Variants in NKD1 observed in about 807,000 individuals in gnomAD.
NKD1 encodes the protein NKD inhibitor of Wnt signaling pathway 1, also known as protein naked cuticle homolog 1.
Under a neutral mutation model 56.0 loss-of-function variants are expected in NKD1, and 21 were observed. The observed-to-expected ratio is 0.38, with a 90% confidence interval of 0.27 to 0.54. The LOEUF (loss-of-function observed/expected upper bound fraction) is 0.54, where lower values mean the gene tolerates loss of function less well. Ranked by LOEUF, NKD1 falls within the 20% of genes least tolerant of loss-of-function variation. The pLI is 0.82. For missense variants in NKD1, 578 were observed against 642.7 expected (o/e 0.90, Z 1.09); for synonymous variants, 263 against 265.7 (o/e 0.99, Z 0.10).
intron 3 of NKD1, among the ~76,000 whole-genome samples, chr16:50,585,223 C>T (rs1961201308): frequency 6.6e-6 from 1 of 152,216 alleles, no homozygotes; most frequent in Admixed American, 6.5e-5. Flanking sequence ...TGTCCAGGTG[C>T]AGAGGAACCA....
chr16:50,565,296 C>T (rs567780113), intron 3 of NKD1, among the ~76,000 whole-genome samples: 9 of 151,270 alleles, frequency 5.9e-5, no homozygotes, highest in South Asian at 2.1e-4. Flanking sequence ...GGTGTGAACA[C>T]GGGAGGCAGA....
rs531429694 is a variant in NKD1, at chr16:50,619,801, G to T, written c.260-1801G>T. On this transcript the variant is annotated intron_variant, in intron 4 of 9. Transcript: ENST00000268459. ...AGAGAAGGTATGTGATCCACCCAGG[G>T]TCACACAGTGCCAGAGAACAGAACC... 6.2e-4 allele frequency among the ~76,000 whole-genome samples: 95 copies of T among 152,296 alleles called. 1 individual carries two copies. Among genetic ancestry groups the T allele is most frequent in the African/African-American group, 2.2e-3 (92 of 41,566 alleles).
At chr16:50,571,565 A>G in intron 3 of NKD1, 1 of 983,036 alleles carries the variant, frequency 1.0e-6, no homozygotes, top group East Asian at 1.1e-4. Context: ...CGGGCTCTCC[A>G]TTCATCTGTT....
chr16:50,609,859 A>G (rs932512039), intron 4 of NKD1, among the ~76,000 whole-genome samples: 6 of 152,364 alleles, frequency 3.9e-5, no homozygotes, highest in African/African-American at 1.4e-4. Flanking sequence ...TTGTGTGTGC[A>G]TACAGTCTGG....
chr16:50,628,159 C>T (rs959967909), intron 6 of NKD1, among the ~76,000 whole-genome samples: 32 of 152,144 alleles, frequency 2.1e-4, no homozygotes, highest in Admixed American at 5.9e-4. Context: ...GGTCTGGTCC[C>T]GCAAAGGGTT....
Position 50,548,542 on chromosome 16 carries a change from C to G in NKD1, c.-12C>G. ...ATGGCTTAGGGACGCTCCCGGCCGC[C>G]GCAGCCCCAGCATGGGGAAACTTCA... On this transcript the variant is annotated 5_prime_UTR_variant, in exon 1 of 10. Coordinates refer to ENST00000268459, the MANE Select transcript of NKD1 (RefSeq NM_033119.5). 6.8e-7 allele frequency: 1 copy of G among 1,465,904 alleles called. No individual in the cohort carries two copies. Among genetic ancestry groups the G allele is most frequent in the Non-Finnish European group, 9.0e-7 (1 of 1,114,258 alleles). The allele number at this position is 1,465,904 out of a possible 1,614,324, so 90.8% of individuals were successfully genotyped here.
intron 4 of NKD1, among the ~76,000 whole-genome samples, chr16:50,618,614 G>A (rs1350921993): frequency 3.3e-5 from 5 of 152,226 alleles, no homozygotes. Context: ...TACTGGTTAG[G>A]GGACAATAAG....
intron 3 of NKD1, among the ~76,000 whole-genome samples, chr16:50,565,949 G>A (rs985315433): frequency 6.6e-5 from 10 of 152,200 alleles, no homozygotes; most frequent in South Asian, 2.1e-4. Context: ...GCCTGTGGTC[G>A]ACTTTAGAGC....
In NKD1 at chr16:50,632,449, G is replaced by A. The variant is rs749322304; in HGVS notation, c.823+41G>A. The stretch of plus-strand genomic sequence containing the variant: ...ACCCTGCAATGGGCGATGAGGGCAG[G>A]GCGTGGCTGGACGGGCCAGGCGGGC... On this transcript the variant is annotated intron_variant, in intron 9 of 9. Transcript: ENST00000268459. The surrounding 1 kb of genome is among the most constrained non-coding windows in gnomAD (Gnocchi z 4.1). The A allele has an allele frequency of 1.2e-6, 2 of 1,611,902 alleles. No homozygotes were observed. Among genetic ancestry groups the A allele is most frequent in the East Asian group, 2.2e-5 (1 of 44,862 alleles).
rs138964473 is a variant in NKD1, at chr16:50,598,262, T to TGTGTGCGCGCGCGCGC, written c.193-10031_193-10030insTGTGCGCGCGCGCGCG. Among the ~76,000 whole-genome samples the TGTGTGCGCGCGCGCGC allele has an allele frequency of 2.0e-5, 3 of 148,670 alleles. No homozygotes were observed. Among genetic ancestry groups the TGTGTGCGCGCGCGCGC allele is most frequent in the African/African-American group, 7.7e-5 (3 of 39,162 alleles). On this transcript the variant is annotated intron_variant, in intron 3 of 9. Transcript: ENST00000268459. This position sits in a 1 kb window ranked among gnomAD's most constrained non-coding sequence, Gnocchi z 4.2. ...GTGTGTGTGTGTGTGTGTGTGTGTG[T>TGTGTGCGCGCGCGCGC]GCGCGCACACCTGTGCTCATGGACA...
intron 3 of NKD1, among the ~76,000 whole-genome samples, chr16:50,573,370 C>T (rs1960925404): frequency 6.6e-6 from 1 of 152,242 alleles, no homozygotes; most frequent in East Asian, 1.9e-4. Context: ...GGCAGGTGGA[C>T]ATTCCCTGTT....
intron 3 of NKD1, among the ~76,000 whole-genome samples, chr16:50,559,273 C>T (rs149749904): frequency 6.6e-6 from 1 of 152,248 alleles, no homozygotes; most frequent in East Asian, 1.9e-4. Flanking sequence ...GATGTGTGCT[C>T]AGTGTGGTAC....
rs1377827756 is a variant in NKD1, at chr16:50,632,073, C to T, written c.696-208C>T. ...AGCTGCGGGGAGGTCGGGCTGTGGG[C>T]TGTGGTCTATGGTCTGTCTCTCCAT... On this transcript the variant is annotated intron_variant, in intron 8 of 9. Coordinates refer to ENST00000268459, the MANE Select transcript of NKD1 (RefSeq NM_033119.5). This position sits in a 1 kb window ranked among gnomAD's most constrained non-coding sequence, Gnocchi z 4.1. Among the ~76,000 whole-genome samples the T allele has an allele frequency of 6.6e-6, 1 of 152,234 alleles. No homozygotes were observed. Among genetic ancestry groups the T allele is most frequent in the Non-Finnish European group, 1.5e-5 (1 of 68,040 alleles).
intron 2 of NKD1, 59 bp downstream of exon 2, chr16:50,548,808 C>T (rs1960299806): frequency 1.5e-6 from 2 of 1,338,308 alleles, no homozygotes; most frequent in Non-Finnish European, 9.5e-7. Flanking sequence ...GCGGCCGCGG[C>T]AGAACGGCCC....
At chr16:50,566,672 T>C (rs1044791514) in intron 3 of NKD1, among the ~76,000 whole-genome samples, 2 of 152,268 alleles carry the variant, frequency 1.3e-5, no homozygotes, top group Non-Finnish European at 2.9e-5. Flanking sequence ...AACAAGGCTC[T>C]GGTCAGCAGC....
chr16:50,633,690 A>G lies in NKD1; in HGVS notation c.1322A>G (p.Tyr441Cys). ...HLRELPALVV[Y>C]ESQAGQPVQR... Reference sequence around the variant, plus strand: ...CGGGAGCTGCCCGCCTTGGTGGTGTATGAGAGCCAGGCCGGGCAGCCGGTC... The same window carrying G: ...CGGGAGCTGCCCGCCTTGGTGGTGTGTGAGAGCCAGGCCGGGCAGCCGGTC... The change falls in exon 10 of 10, where the codon TAT (tyrosine) becomes TGT (cysteine). Residue 441 changes from tyrosine (Y) to cysteine (C), a missense_variant. Coordinates refer to ENST00000268459, the MANE Select transcript of NKD1 (RefSeq NM_033119.5). This position sits in a 1 kb window ranked among gnomAD's most constrained non-coding sequence, Gnocchi z 4.9. 6.3e-7 allele frequency: 1 copy of G among 1,598,178 alleles called. No individual in the cohort carries two copies. Among genetic ancestry groups the G allele is most frequent in the Non-Finnish European group, 8.5e-7 (1 of 1,172,906 alleles).
At chr16:50,568,024 A>G (rs1216601102) in intron 3 of NKD1, among the ~76,000 whole-genome samples, 1 of 152,268 alleles carries the variant, frequency 6.6e-6, no homozygotes, top group African/African-American at 2.4e-5. Flanking sequence ...CAGTTATTTC[A>G]GGAGACAAGC....
chr16:50,625,268 A>G (rs746147839), intron 5 of NKD1: 119 of 586,636 alleles, frequency 2.0e-4, no homozygotes, highest in Non-Finnish European at 3.3e-4. Context: ...GCACCCCTGC[A>G]GGCATCCCTC....
intron 3 of NKD1, among the ~76,000 whole-genome samples, chr16:50,572,737 G>C (rs1433760481): frequency 6.6e-6 from 1 of 152,198 alleles, no homozygotes; most frequent in Non-Finnish European, 1.5e-5. Flanking sequence ...TTCTTACCCA[G>C]CTTGGGTGCA....
Sources: gnomAD v4.1 joint callset for allele counts (sites outside exome capture counted in the v4.1 genomes callset) on GRCh38, gnomAD v4.1.1 for gene constraint, Gnocchi (gnomAD v3.1) non-coding constraint, MANE v1.5 for transcripts, NCBI Gene and HGNC (gene_info 2026-07-23, HGNC 2026-07-21) for gene names.